TM9SF3: variants seen among roughly 807,000 people sequenced by gnomAD.
TM9SF3 encodes the protein transmembrane 9 superfamily member 3, also known as SM-11044-binding protein.
A neutral mutation model predicts 78.6 loss-of-function variants in TM9SF3; 14 were observed. That is an observed-to-expected ratio of 0.18 (90% CI 0.12 to 0.28). TM9SF3 has a LOEUF of 0.28. TM9SF3 is among the 10% of genes least tolerant of loss of function. The probability of loss-of-function intolerance (pLI) is 1.00; values close to 1 mark genes in which losing one functional copy is unlikely to be tolerated. For missense variants in TM9SF3, 496 were observed against 721.9 expected (o/e 0.69, Z 3.59); for synonymous variants, 231 against 241.7 (o/e 0.96, Z 0.41).
At chr10:96,574,203 C>T (rs1207692009) in intron 2 of TM9SF3, among the ~76,000 whole-genome samples, 1 of 152,070 alleles carries the variant, frequency 6.6e-6, no homozygotes, top group Non-Finnish European at 1.5e-5. Flanking sequence ...CCAGAATCTA[C>T]AAAGAACTTA....
chr10:96,569,599 T>C (rs1848416474), intron 2 of TM9SF3, among the ~76,000 whole-genome samples: 1 of 152,236 alleles, frequency 6.6e-6, no homozygotes, highest in African/African-American at 2.4e-5. Context: ...AATATGTTTA[T>C]ACCCTTTGAT....
At chr10:96,559,790 T>G in intron 4 of TM9SF3, 54 bp from the exon 5 acceptor site, 8 of 1,075,822 alleles carry the variant, frequency 7.4e-6, no homozygotes, top group Non-Finnish European at 9.4e-6. Context: ...ATTAATAATC[T>G]GATGACAAAA....
intron 1 of TM9SF3, among the ~76,000 whole-genome samples, chr10:96,585,093 T>A (rs758590806): frequency 6.6e-6 from 1 of 152,226 alleles, no homozygotes; most frequent in Non-Finnish European, 1.5e-5. Flanking sequence ...ATTTGTAAAA[T>A]TTTAATGGTT....
Position 96,586,889 on chromosome 10 carries a change from G to GCCT in TM9SF3, c.-57_-55dup, listed in dbSNP as rs1848640639. Reference sequence around the variant, plus strand: ...CTCACCGACTCCTCCTCCCGCCGCCGCCTCCTCCGCCGCCGCCGCCTCCGC... The same window carrying GCCT: ...CTCACCGACTCCTCCTCCCGCCGCCGCCTCCTCCTCCGCCGCCGCCGCCTCCGC... On this transcript the variant is annotated 5_prime_UTR_variant, in exon 1 of 15. Transcript: ENST00000371142. 2.1e-6 allele frequency: 2 copies of GCCT among 967,710 alleles called. No individual in the cohort carries two copies. The highest frequency in any genetic ancestry group is 4.9e-5 in the South Asian group (1 of 20,528). 59.9% of individuals were successfully genotyped at this position (967,710 alleles called of 1,614,324 possible).
chr10:96,526,306 T>A (rs1344222537), intron 14 of TM9SF3, among the ~76,000 whole-genome samples: 1 of 152,042 alleles, frequency 6.6e-6, no homozygotes, highest in Non-Finnish European at 1.5e-5. Flanking sequence ...CTTGGTGCTT[T>A]ACACACATGA....
chr10:96,563,598 G>A (rs1289521227), intron 3 of TM9SF3, among the ~76,000 whole-genome samples: 7 of 151,746 alleles, frequency 4.6e-5, no homozygotes, highest in Admixed American at 1.3e-4. Context: ...TGGTGGTCTC[G>A]AACTCCTGGC....
rs1244480532 is a variant in TM9SF3, at chr10:96,547,972, C to T, written c.977G>A (p.Ser326Asn). The T allele has an allele frequency of 1.3e-5, 21 of 1,607,486 alleles. No individual in the cohort carries two copies. Among genetic ancestry groups the T allele is most frequent in the Non-Finnish European group, 1.8e-5 (21 of 1,177,750 alleles). The part of the protein sequence containing the change: ...DLYTERGSML[S>N]TAIFVYAATS... ...AGCAGCATAGACAAATATGGCTGTA[C>T]TGAGCATTGATCCCCTCCTAAAAAG... The change falls in exon 8 of 15, where the codon AGT (serine) becomes AAT (asparagine). Residue 326 changes from serine (S) to asparagine (N), a missense_variant. Ser to Asn is a conservative substitution (Grantham distance 46). Coordinates refer to ENST00000371142, the MANE Select transcript of TM9SF3 (RefSeq NM_020123.4).
At chr10:96,560,392 A>C in intron 4 of TM9SF3, 1 of 737,708 alleles carries the variant, frequency 1.4e-6, no homozygotes, top group East Asian at 2.5e-5. Flanking sequence ...TTATGAAGGC[A>C]GTCCAATTAA....
At chr10:96,582,401 T>C (rs985761849) in intron 1 of TM9SF3, among the ~76,000 whole-genome samples, 3 of 152,256 alleles carry the variant, frequency 2.0e-5, no homozygotes, top group Non-Finnish European at 4.4e-5. Context: ...TGAGTCTTTC[T>C]AGTTCTAAAA....
chr10:96,585,164 C>T (rs373555231), intron 1 of TM9SF3, among the ~76,000 whole-genome samples: 10 of 152,112 alleles, frequency 6.6e-5, no homozygotes, highest in African/African-American at 2.4e-4. Context: ...ATACAGTACA[C>T]TTTTGAGCTT....
chr10:96,585,730 G>C (rs1848621238), intron 1 of TM9SF3, among the ~76,000 whole-genome samples: 1 of 152,196 alleles, frequency 6.6e-6, no homozygotes, highest in Non-Finnish European at 1.5e-5. Flanking sequence ...GACTCCCTCA[G>C]ATCGTTCTGA....
chr10:96,528,324 C>G (rs1056865212), intron 11 of TM9SF3, 147 bp from the exon 12 acceptor site: 4 of 712,742 alleles, frequency 5.6e-6, no homozygotes, highest in Non-Finnish European at 8.6e-6. Context: ...CTTACCATGT[C>G]TTCATCAATT....
At chr10:96,523,078 A>C (rs1847797798) in intron 14 of TM9SF3, among the ~76,000 whole-genome samples, 1 of 151,926 alleles carries the variant, frequency 6.6e-6, no homozygotes, top group Admixed American at 6.6e-5. Flanking sequence ...TTGTTGAATG[A>C]ATGAATGAAC....
intron 9 of TM9SF3, among the ~76,000 whole-genome samples, chr10:96,536,418 C>G (rs1469840390): frequency 6.6e-6 from 1 of 151,842 alleles, no homozygotes; most frequent in Non-Finnish European, 1.5e-5. Flanking sequence ...TATGTACCCA[C>G]AAAAATTAAA....
chr10:96,583,341 A>G (rs1355521969), intron 1 of TM9SF3, among the ~76,000 whole-genome samples: 3 of 152,212 alleles, frequency 2.0e-5, no homozygotes, highest in Admixed American at 6.5e-5. Flanking sequence ...GCTCTCACAC[A>G]GTCTTTTGTG....
rs1490711306 is a variant in TM9SF3, at chr10:96,586,836, C to T, written c.-1G>A. ...CAAGAGCGCCAGGCAGCGGCCTCAT[C>T]CTCCGCGCCCCTCCGGCCCGGAGCC... On this transcript the variant is annotated 5_prime_UTR_variant, in exon 1 of 15. Transcript: ENST00000371142. 6.6e-6 allele frequency: 8 copies of T among 1,214,870 alleles called. No individual in the cohort carries two copies. In the East Asian group the frequency reaches 1.7e-4, roughly 26 times the overall value. 75.3% of individuals were successfully genotyped at this position (1,214,870 alleles called of 1,614,324 possible). A position where few individuals can be genotyped will look rare whatever the true frequency, so the allele number is the denominator to read the frequency against.
intron 3 of TM9SF3, among the ~76,000 whole-genome samples, chr10:96,565,033 T>C (rs1041898427): frequency 2.0e-5 from 3 of 152,178 alleles, no homozygotes; most frequent in Admixed American, 6.5e-5. Context: ...GAAGAAATTT[T>C]TAGATTGTTC....
At chr10:96,575,766 C>A (rs1158932865) in intron 2 of TM9SF3, among the ~76,000 whole-genome samples, 1 of 151,370 alleles carries the variant, frequency 6.6e-6, no homozygotes, top group Non-Finnish European at 1.5e-5. Flanking sequence ...TCCAAAGCTC[C>A]TGTTTACAGG....
chr10:96,558,804 A>T (rs996490589), intron 5 of TM9SF3, among the ~76,000 whole-genome samples: 3 of 152,168 alleles, frequency 2.0e-5, no homozygotes, highest in Non-Finnish European at 4.4e-5. Flanking sequence ...GGCCATCTCA[A>T]AAATAGGTGA....
Sources: allele counts gnomAD v4.1 joint callset (sites outside exome capture counted in the v4.1 genomes callset), GRCh38; gene constraint gnomAD v4.1.1; transcripts MANE v1.5; gene names NCBI Gene and HGNC (gene_info 2026-07-23, HGNC 2026-07-21).